Variants in DVL1 observed in about 807,000 individuals in gnomAD.
DVL1 encodes the protein segment polarity protein dishevelled homolog DVL-1.
Under a neutral mutation model 65.0 loss-of-function variants are expected in DVL1, and 49 were observed. That is an observed-to-expected ratio of 0.75 (90% CI 0.60 to 0.96). The LOEUF (loss-of-function observed/expected upper bound fraction) is 0.96, where lower values mean the gene tolerates loss of function less well. Ranked by LOEUF, DVL1 falls within the 40% of genes least tolerant of loss-of-function variation. The pLI is 0.00. For missense variants in DVL1, 1,197 were observed against 1,045.4 expected (o/e 1.15, Z -2.00); for synonymous variants, 608 against 433.9 (o/e 1.40, Z -4.99).
At chr1:1,341,908 A>C in intron 4 of DVL1, 103 bp from the exon 5 acceptor site, 1 of 1,475,194 alleles carries the variant, frequency 6.8e-7, no homozygotes, top group Non-Finnish European at 9.1e-7. Context: ...GGGAGCTGGC[A>C]GCTCAACTGT....
Position 1,338,051 on chromosome 1 carries a change from G to T in DVL1, c.1640C>A (p.Pro547His). Residue 547 changes from proline (P) to histidine (H), a missense_variant, in exon 14 of 15, where the codon CCC (proline) becomes CAC (histidine). By Grantham distance (77) the Pro-to-His change is moderately conservative. Transcript: ENST00000378888. ...GTCCTGGTAGGCAGGCGGGAAGCAG[G>T]GTGGGGGTCCCGGGTACTGGTAGGG... ...GYPYQYPGPP[P>H]CFPPAYQDPG... The T allele has an allele frequency of 1.2e-6, 2 of 1,611,632 alleles. No homozygotes were observed. Among genetic ancestry groups the T allele is most frequent in the Non-Finnish European group, 1.7e-6 (2 of 1,179,520 alleles).
Position 1,339,818 on chromosome 1 carries a change from G to T in DVL1, c.910-6C>A, listed in dbSNP as rs370899175. 6.2e-7 allele frequency: 1 copy of T among 1,607,110 alleles called. No individual in the cohort carries two copies. Among genetic ancestry groups the T allele is most frequent in the African/African-American group, 1.3e-5 (1 of 74,552 alleles). ...TCAAAGTTCACGTCATTCACCTGCA[G>T]GGGTGGGGATTAGGGTGGTGCAGGC... On this transcript the variant is annotated splice_region_variant and splice_polypyrimidine_tract_variant and intron_variant, in intron 8 of 14. Transcript: ENST00000378888.
chr1:1,349,171 TCGG>T lies in DVL1; in HGVS notation c.-109_-107del. On this transcript the variant is annotated 5_prime_UTR_variant, in exon 1 of 15. Transcript: ENST00000378888. This position sits in a 1 kb window ranked among gnomAD's most constrained non-coding sequence, Gnocchi z 4.1. ...GCGCCCCGCCCGGCCCGCACCGCTC[TCGG>T]CCCCGACGCTCCGAGGCCCCCGGGC... The T allele has an allele frequency of 1.5e-6, 1 of 685,902 alleles. No homozygotes were observed. Among genetic ancestry groups the T allele is most frequent in the Non-Finnish European group, 1.8e-6 (1 of 564,598 alleles). The allele number at this position is 685,902 out of a possible 1,614,324, so 42.5% of individuals were successfully genotyped here.
Position 1,338,037 on chromosome 1 carries a change from C to T in DVL1, c.1654G>A (p.Ala552Thr). Reference sequence around the variant, plus strand: ...TAGCTAAAGCCCGGGTCCTGGTAGGCAGGCGGGAAGCAGGGTGGGGGTCCC... The same window carrying T: ...TAGCTAAAGCCCGGGTCCTGGTAGGTAGGCGGGAAGCAGGGTGGGGGTCCC... Reference protein sequence around the residue: ...YPGPPPCFPPAYQDPGFSYGS... With the variant: ...YPGPPPCFPPTYQDPGFSYGS... Residue 552 changes from alanine to threonine, a missense_variant, in exon 14 of 15, where the codon GCC becomes ACC. By Grantham distance (58) the Ala-to-Thr change is moderately conservative. Transcript: ENST00000378888. 6.2e-7 allele frequency: 1 copy of T among 1,611,728 alleles called. No homozygotes were observed. Among genetic ancestry groups the T allele is most frequent in the Non-Finnish European group, 8.5e-7 (1 of 1,179,576 alleles).
At chr1:1,342,529 G>A (rs780920614) in intron 2 of DVL1, 45 bp from the exon 3 acceptor site, 34 of 1,595,326 alleles carry the variant, frequency 2.1e-5, no homozygotes, top group Non-Finnish European at 2.8e-5. Flanking sequence ...CCCGCCTTCA[G>A]GACGCCTCCT....
chr1:1,337,953 G>A, intron 14 of DVL1, 24 bp downstream of exon 14: 2 of 1,598,736 alleles, frequency 1.3e-6, no homozygotes, highest in South Asian at 1.1e-5. Context: ...GCCGGGGAAG[G>A]GCAGGTAGGG....
intron 1 of DVL1, among the ~76,000 whole-genome samples, chr1:1,347,523 G>A (rs950954704): frequency 2.0e-5 from 3 of 152,218 alleles, no homozygotes; most frequent in African/African-American, 4.8e-5. Flanking sequence ...AGAACCTGGG[G>A]GCTGGGCACC....
Position 1,341,128 on chromosome 1 carries a change from TGCACACCTGCAC to T in DVL1, c.605+527_605+538del, listed in dbSNP as rs549382661. On this transcript the variant is annotated intron_variant, in intron 5 of 14. Coordinates refer to ENST00000378888, the MANE Select transcript of DVL1 (RefSeq NM_001330311.2). ...ACACCTGCACACGCACGCCTGCACA[TGCACACCTGCAC>T]GCACACCTTCACATACACCTGTACA... Among the ~76,000 whole-genome samples, 331 of 130,962 alleles carry T rather than the reference TGCACACCTGCAC, an allele frequency of 2.5e-3. 1 individual carries two copies. Among genetic ancestry groups the T allele is most frequent in the African/African-American group, 9.3e-3 (311 of 33,440 alleles). 85.9% of individuals were successfully genotyped at this position (130,962 alleles called of 152,430 possible). A position where few individuals can be genotyped will look rare whatever the true frequency, so the allele number is the denominator to read the frequency against.
At chr1:1,341,931 C>T (rs1235715554) in intron 4 of DVL1, 122 bp downstream of exon 4, 4 of 1,459,154 alleles carry the variant, frequency 2.7e-6, no homozygotes, top group South Asian at 1.3e-5. Flanking sequence ...GCTCGCTGGG[C>T]CTGTGCCTCC....
At chr1:1,337,220 C>T (rs1437461538) in intron 14 of DVL1, among the ~76,000 whole-genome samples, 2 of 152,124 alleles carry the variant, frequency 1.3e-5, no homozygotes, top group Non-Finnish European at 1.5e-5. Context: ...GGCTTCTCTG[C>T]GGTCCCACAC....
intron 14 of DVL1, chr1:1,337,687 G>A: frequency 1.7e-6 from 1 of 605,904 alleles, no homozygotes; most frequent in Non-Finnish European, 3.1e-6. Context: ...AGATGAGGTG[G>A]GGTCCAGGCT....
chr1:1,341,607 A>G (rs1643832500), intron 5 of DVL1, 60 bp downstream of exon 5: 2 of 1,505,896 alleles, frequency 1.3e-6, no homozygotes, highest in South Asian at 2.5e-5. Context: ...CATGCACATC[A>G]TGTACAGACA....
At chr1:1,345,334 G>A (rs536897364) in intron 1 of DVL1, among the ~76,000 whole-genome samples, 49 of 152,338 alleles carry the variant, frequency 3.2e-4, no homozygotes, top group African/African-American at 1.1e-3. Context: ...CAGGAGAAAG[G>A]GAGCAGGACC....
intron 8 of DVL1, 55 bp from the exon 9 acceptor site, chr1:1,339,867 C>T (rs77028563): frequency 3.1e-6 from 5 of 1,591,108 alleles, no homozygotes; most frequent in Non-Finnish European, 3.4e-6. Flanking sequence ...CAGTCCACCG[C>T]CCCCGCAGAC....
chr1:1,345,094 G>A (rs752030380), intron 1 of DVL1, among the ~76,000 whole-genome samples: 17 of 152,136 alleles, frequency 1.1e-4, no homozygotes, highest in Non-Finnish European at 2.2e-4. Flanking sequence ...TCCACCGGAA[G>A]AGGGCCCTGC....
In DVL1 at chr1:1,340,426, AGGCGCTGCTTCCTCCGCC is replaced by A. The variant is rs1643756230; in HGVS notation, c.665_682del (p.Arg222_Arg227del). The A allele has an allele frequency of 6.2e-7, 1 of 1,612,560 alleles. No homozygotes were observed. The highest frequency in any genetic ancestry group is 2.2e-5 in the East Asian group (1 of 44,842). On this transcript the variant is annotated inframe_deletion, in exon 6 of 15. Coordinates refer to ENST00000378888, the MANE Select transcript of DVL1 (RefSeq NM_001330311.2). ...GCTGCCTACCCGGTCCGCCTGCCGA[AGGCGCTGCTTCCTCCGCC>A]GGCGTTTGTGCTTCCGGATGAGTCT...
chr1:1,336,433 G>GC lies in DVL1; in HGVS notation c.1796dup (p.Ser600GlnfsTer4). ...CCGTGTGATCCGATTCACTGCCACT[G>GC]CCCCCAGCTCCCGCCGCCCGACGCT... On this transcript the variant is annotated frameshift_variant, in exon 15 of 15. Transcript: ENST00000378888. LOFTEE classifies it low-confidence loss of function (END_TRUNC). 6.3e-7 allele frequency: 1 copy of GC among 1,590,466 alleles called. No homozygotes were observed.
chr1:1,337,076 G>C (rs1021976487), intron 14 of DVL1: 1 of 988,388 alleles, frequency 1.0e-6, no homozygotes, highest in African/African-American at 1.7e-5. Context: ...ACAAGACAAG[G>C]GATAGCACGA....
Position 1,340,442 on chromosome 1 carries a change from G to C in DVL1, c.667C>G (p.Arg223Gly). The change falls in exon 6 of 15, where the codon CGG (arginine) becomes GGG (glycine). Residue 223 changes from arginine to glycine, a missense_variant. By Grantham distance (125) the Arg-to-Gly change is moderately radical. Coordinates refer to ENST00000378888, the MANE Select transcript of DVL1 (RefSeq NM_001330311.2). ...SRLIRKHKRR[R>G]RKQRLRQADR... ...GCCTGCCGAAGGCGCTGCTTCCTCC[G>C]CCGGCGTTTGTGCTTCCGGATGAGT... 1.9e-6 allele frequency: 3 copies of C among 1,612,058 alleles called. No homozygotes were observed. Among genetic ancestry groups the C allele is most frequent in the South Asian group, 1.1e-5 (1 of 90,764 alleles).
Sources: gnomAD v4.1 joint callset for allele counts (sites outside exome capture counted in the v4.1 genomes callset) on GRCh38, gnomAD v4.1.1 for gene constraint, Gnocchi (gnomAD v3.1) non-coding constraint, MANE v1.5 for transcripts, NCBI Gene and HGNC (gene_info 2026-07-23, HGNC 2026-07-21) for gene names.